PGR: variants seen among roughly 807,000 people sequenced by gnomAD.
The protein encoded by PGR is progesterone receptor.
Under a neutral mutation model 76.1 loss-of-function variants are expected in PGR, and 25 were observed. The observed-to-expected ratio is 0.33, with a 90% CI of 0.24 to 0.46. PGR has a LOEUF of 0.46. Ranked by LOEUF, PGR falls within the 20% of genes least tolerant of loss-of-function variation. The pLI is 1.00. For missense variants in PGR, 1,172 were observed against 1,225.3 expected, an observed-to-expected ratio of 0.96 and a Z score of 0.65; for synonymous variants, 579 against 535.0, an observed-to-expected ratio of 1.08 and a Z score of -1.14.
chr11:101,086,187 C>G (rs1051051843), intron 3 of PGR, among the ~76,000 whole-genome samples: 14 of 152,124 alleles, frequency 9.2e-5, no homozygotes, highest in Non-Finnish European at 1.3e-4. Flanking sequence ...AACACAGACA[C>G]AAAAATTCTC....
intron 4 of PGR, among the ~76,000 whole-genome samples, chr11:101,054,072 G>A (rs192758897): frequency 6.6e-6 from 1 of 152,294 alleles, no homozygotes; most frequent in East Asian, 1.9e-4. Context: ...ACCAATGGGA[G>A]GATTTGTGAT....
chr11:101,038,973 A>G lies in PGR; in HGVS notation c.*143T>C. The stretch of plus-strand genomic sequence containing the variant: ...AAAAGAAAATAATTAGAACCTCACA[A>G]TTTTTCTTTTAAATTTACACACTAT... On this transcript the variant is annotated 3_prime_UTR_variant, in exon 8 of 8. Transcript: ENST00000325455. The G allele has an allele frequency of 1.7e-6, 1 of 595,452 alleles. No individual in the cohort carries two copies. 36.9% of individuals were successfully genotyped at this position (595,452 alleles called of 1,614,324 possible).
chr11:101,105,698 G>A (rs919799399), intron 2 of PGR, among the ~76,000 whole-genome samples: 1 of 152,042 alleles, frequency 6.6e-6, no homozygotes. Context: ...AGCTACCACT[G>A]ACTTTCTTCA....
intron 2 of PGR, 33 bp downstream of exon 2, chr11:101,125,974 C>T (rs753638101): frequency 4.0e-5 from 64 of 1,595,256 alleles, no homozygotes; most frequent in Non-Finnish European, 5.3e-5. Context: ...TACAATTAAA[C>T]CAATAATAAA....
rs950573777 is a variant in PGR, at chr11:101,033,514, T to C, written c.*5602A>G. 2 of 191,238 alleles carry C rather than the reference T, an allele frequency of 1.0e-5. No homozygotes were observed. The highest frequency in any genetic ancestry group is 1.9e-3 in the Middle Eastern group (1 of 524). 11.8% of individuals were successfully genotyped at this position (191,238 alleles called of 1,614,324 possible). A position where few individuals can be genotyped will look rare whatever the true frequency, so the allele number is the denominator to read the frequency against. ...TTTAAAAAGCAATGACATTTTATAC[T>C]ATCAAGTTAAGGCTGCACAAAATAT... On this transcript the variant is annotated 3_prime_UTR_variant, in exon 8 of 8. Transcript: ENST00000325455.
At chr11:101,058,150 T>C (rs540622) in intron 4 of PGR, among the ~76,000 whole-genome samples, 66,728 of 151,966 alleles carry the variant, frequency 0.44, 16,391 homozygotes, top group East Asian at 0.77. Context: ...ATAGTTACTT[T>C]GCCAATAGTC....
intron 4 of PGR, among the ~76,000 whole-genome samples, chr11:101,059,692 C>A (rs1292440967): frequency 6.6e-6 from 1 of 150,910 alleles, no homozygotes. Context: ...AAAATTTAGC[C>A]AAGCAAGGTG....
chr11:101,109,572 G>A (rs1016607118), intron 2 of PGR, among the ~76,000 whole-genome samples: 13 of 152,264 alleles, frequency 8.5e-5, no homozygotes, highest in Non-Finnish European at 7.3e-5. Context: ...GGGTGAGAGA[G>A]GGATGAAAGC....
chr11:101,049,358 A>G (rs1464948460), intron 6 of PGR, among the ~76,000 whole-genome samples: 1 of 152,180 alleles, frequency 6.6e-6, no homozygotes, highest in Admixed American at 6.6e-5. Flanking sequence ...CTCTCAATAG[A>G]AAAGTATACT....
In PGR at chr11:101,129,050, C is replaced by T; in HGVS notation, c.21G>A (p.Lys7=). The T allele has an allele frequency of 6.4e-7, 1 of 1,558,034 alleles. No homozygotes were observed. Among genetic ancestry groups the T allele is most frequent in the Non-Finnish European group, 8.7e-7 (1 of 1,151,472 alleles). Reference sequence around the variant, plus strand: ...CCGCCACGTGGGGAGCCCGGGGACCCTTTGCCTTCAGCTCAGTCATGACGA... The same window carrying T: ...CCGCCACGTGGGGAGCCCGGGGACCTTTTGCCTTCAGCTCAGTCATGACGA... The part of the protein sequence containing the change: MTELKA[K]GPRAPHVAGG... The change falls in exon 1 of 8, where the codon AAG becomes AAA. Residue 7 remains lysine (K), a synonymous_variant. Transcript: ENST00000325455.
At position 101,129,108 on chromosome 11, in the gene PGR, GGA is replaced by G. The variant is rs1555069290; in HGVS notation, c.-40_-39del. The G allele has an allele frequency of 3.8e-6, 5 of 1,317,614 alleles. No individual in the cohort carries two copies. The highest frequency in any genetic ancestry group is 3.9e-5 in the Admixed American group (1 of 25,642). The allele number at this position is 1,317,614 out of a possible 1,614,324, so 81.6% of individuals were successfully genotyped here. On this transcript the variant is annotated 5_prime_UTR_variant, in exon 1 of 8. Coordinates refer to ENST00000325455, the MANE Select transcript of PGR (RefSeq NM_000926.4). Reference sequence around the variant, plus strand: ...CCCCTTTTCTCCTCCCCCGTCTCCAGGAGGAGGGAAAAGGGAAGGAGGAGGGG... The same window carrying G: ...CCCCTTTTCTCCTCCCCCGTCTCCAGGGAGGGAAAAGGGAAGGAGGAGGGG...
intron 2 of PGR, among the ~76,000 whole-genome samples, chr11:101,104,866 C>A (rs1191946923): frequency 6.6e-6 from 1 of 151,822 alleles, no homozygotes; most frequent in Admixed American, 6.6e-5. Context: ...TTAAATGTTA[C>A]TGGTGTTAAA....
Position 101,038,955 on chromosome 11 carries a change from A to T in PGR, c.*161T>A. The T allele has an allele frequency of 3.6e-6, 2 of 562,888 alleles. No individual in the cohort carries two copies. Among genetic ancestry groups the T allele is most frequent in the Non-Finnish European group, 6.3e-6 (2 of 319,786 alleles). The allele number at this position is 562,888 out of a possible 1,614,324, so 34.9% of individuals were successfully genotyped here. A position where few individuals can be genotyped will look rare whatever the true frequency, so the allele number is the denominator to read the frequency against. ...ATTCTAATTATACTTTATAAAAGAA[A>T]ATAATTAGAACCTCACAATTTTTCT... On this transcript the variant is annotated 3_prime_UTR_variant, in exon 8 of 8. Coordinates refer to ENST00000325455, the MANE Select transcript of PGR (RefSeq NM_000926.4).
intron 2 of PGR, among the ~76,000 whole-genome samples, chr11:101,113,423 G>T (rs1023448153): frequency 1.1e-5 from 1 of 90,452 alleles, no homozygotes; most frequent in African/African-American, 4.0e-5. Context: ...CACCATGCCT[G>T]GCTATTTTTT....
rs1860921970 is a variant in PGR at position 101,071,181 on chromosome 11, CAG to C, written c.1907-8431_1907-8430del. ...AGTCCGCTAGTGATACCCAGGCAAA[CAG>C]GGTCTGGAGTGGACCTCCAGCAAAC... On this transcript the variant is annotated intron_variant, in intron 3 of 7. Transcript: ENST00000325455. 2.0e-5 allele frequency among the ~76,000 whole-genome samples: 3 copies of C among 152,296 alleles called. 1 individual carries two copies. In the South Asian group the frequency reaches 6.2e-4, roughly 32 times the overall value.
Position 101,129,031 on chromosome 11 carries a change from C to G in PGR, c.40G>C (p.Val14Leu), listed in dbSNP as rs760920621. Residue 14 changes from valine (V) to leucine (L), a missense_variant, in exon 1 of 8, where the codon GTG becomes CTG. Transcript: ENST00000325455. Reference protein sequence around the residue: ...LKAKGPRAPHVAGGPPSPEVG... With the variant: ...LKAKGPRAPHLAGGPPSPEVG... ...TCGGGGGAGGGCGGGCCGCCCGCCA[C>G]GTGGGGAGCCCGGGGACCCTTTGCC... is the stretch of plus-strand genomic sequence containing the variant. 10 of 1,565,624 alleles carry G rather than the reference C, an allele frequency of 6.4e-6. No homozygotes were observed. The African/African-American group carries it at 1.2e-4, about 19-fold the overall frequency.
intron 3 of PGR, among the ~76,000 whole-genome samples, chr11:101,064,374 G>T (rs1397803572): frequency 1.3e-5 from 1 of 77,986 alleles, no homozygotes; most frequent in Non-Finnish European, 2.6e-5. Context: ...AAAAAAAACA[G>T]CCCCAACGAG....
chr11:101,108,247 C>G (rs1202497449), intron 2 of PGR, among the ~76,000 whole-genome samples: 1 of 79,730 alleles, frequency 1.3e-5, no homozygotes, highest in Admixed American at 1.3e-4. Flanking sequence ...GAGACTCCGT[C>G]TAAAAAAAAA....
At chr11:101,104,250 T>G (rs985527781) in intron 2 of PGR, among the ~76,000 whole-genome samples, 2 of 152,234 alleles carry the variant, frequency 1.3e-5, no homozygotes, top group African/African-American at 4.8e-5. Flanking sequence ...TATTTATGGG[T>G]TGCATATGTG....
Sources: gnomAD v4.1 joint callset for allele counts (sites outside exome capture counted in the v4.1 genomes callset) on GRCh38, gnomAD v4.1.1 for gene constraint, MANE v1.5 for transcripts, NCBI Gene and HGNC (gene_info 2026-07-23, HGNC 2026-07-21) for gene names.